Variants in POMP observed in about 807,000 individuals in gnomAD.
The protein encoded by POMP is 2510048O06Rik.
A neutral mutation model predicts 20.6 loss-of-function variants in POMP; 12 were observed. That is an observed-to-expected ratio of 0.58 (90% CI 0.37 to 0.94). POMP has a LOEUF of 0.94. POMP is among the 40% of genes least tolerant of loss of function. The probability of loss-of-function intolerance (pLI) is 0.01; values close to 1 mark genes in which losing one functional copy is unlikely to be tolerated. For synonymous variants in POMP, 53 were observed against 55.0 expected, an observed-to-expected ratio of 0.96 and a Z score of 0.16; for missense variants, 136 against 161.1, an observed-to-expected ratio of 0.84 and a Z score of 0.84.
intron 1 of POMP, among the ~76,000 whole-genome samples, chr13:28,660,904 G>A (rs1884327661): frequency 6.6e-6 from 1 of 152,122 alleles, no homozygotes; most frequent in Non-Finnish European, 1.5e-5. Flanking sequence ...TGAGTCTAAA[G>A]GCAGCAAGAC....
chr13:28,676,853 C>T (rs533219029), intron 5 of POMP, among the ~76,000 whole-genome samples: 75 of 152,304 alleles, frequency 4.9e-4, no homozygotes, highest in South Asian at 1.0e-3. Context: ...CACAGAGGCT[C>T]AGTCCTCACT....
At chr13:28,659,558 G>A (rs1884297503) in intron 1 of POMP, among the ~76,000 whole-genome samples, 1 of 152,086 alleles carries the variant, frequency 6.6e-6, no homozygotes, top group Non-Finnish European at 1.5e-5. Context: ...TTCCTTGACG[G>A]GTAACCTCTG....
At chr13:28,663,980 A>T (rs538641393) in intron 2 of POMP, among the ~76,000 whole-genome samples, 1 of 152,248 alleles carries the variant, frequency 6.6e-6, no homozygotes, top group Admixed American at 6.5e-5. Flanking sequence ...TCATCTTTAT[A>T]TAGCTAGAGT....
At chr13:28,668,361 G>T (rs1884482786) in intron 3 of POMP, 112 bp from the exon 4 acceptor site, 1 of 756,006 alleles carries the variant, frequency 1.3e-6, no homozygotes, top group East Asian at 2.7e-5. Context: ...TTTATTACAG[G>T]TATGGATATT....
intron 2 of POMP, among the ~76,000 whole-genome samples, 180 bp from the exon 3 acceptor site, chr13:28,664,329 G>T (rs965258937): frequency 2.7e-5 from 4 of 150,728 alleles, no homozygotes; most frequent in East Asian, 2.0e-4. Context: ...TGGTGTGTAG[G>T]TCTATGAATT....
chr13:28,664,099 T>C lies in POMP; in HGVS notation c.102-410T>C, dbSNP rs182099288. ...TTGTTCAACATGTTTATTAAAGATA[T>C]ATTAAATATTGAAAGTGTTAGACCT... On this transcript the variant is annotated intron_variant, in intron 2 of 5. Coordinates refer to ENST00000380842, the MANE Select transcript of POMP (RefSeq NM_015932.6). 7.6e-3 allele frequency among the ~76,000 whole-genome samples: 1,154 copies of C among 152,308 alleles called. 13 individuals carry two copies. Among genetic ancestry groups the C allele is most frequent in the South Asian group, 0.029 (139 of 4,826 alleles).
intron 3 of POMP, among the ~76,000 whole-genome samples, chr13:28,665,572 A>G (rs1056599731): frequency 5.3e-5 from 8 of 152,240 alleles, no homozygotes; most frequent in Non-Finnish European, 1.2e-4. Context: ...TTGGTTATAG[A>G]TGGATACATA....
chr13:28,670,686 C>T (rs1028195522), intron 4 of POMP, among the ~76,000 whole-genome samples: 1 of 152,190 alleles, frequency 6.6e-6, no homozygotes, highest in Non-Finnish European at 1.5e-5. Flanking sequence ...CACTGTTAGG[C>T]GTTTGCACAC....
rs980789695 is a variant in POMP at position 28,678,334 on chromosome 13, T to C, written c.*232T>C. 6 of 492,438 alleles carry C rather than the reference T, an allele frequency of 1.2e-5. No individual in the cohort carries two copies. In the Admixed American group the frequency reaches 1.8e-4, roughly 15 times the overall value. The allele number at this position is 492,438 out of a possible 1,614,324, so 30.5% of individuals were successfully genotyped here. A position where few individuals can be genotyped will look rare whatever the true frequency, so the allele number is the denominator to read the frequency against. On this transcript the variant is annotated 3_prime_UTR_variant, in exon 6 of 6. Transcript: ENST00000380842. Reference sequence around the variant, plus strand: ...ATTTATATTAAAACAGTAGCCTTTGTCTTTAAAAAAGTTGTTGCTCATGAA... The same window carrying C: ...ATTTATATTAAAACAGTAGCCTTTGCCTTTAAAAAAGTTGTTGCTCATGAA...
chr13:28,662,305 C>CT, intron 1 of POMP, 105 bp from the exon 2 acceptor site: 2 of 774,804 alleles, frequency 2.6e-6, no homozygotes, highest in Non-Finnish European at 4.3e-6. Flanking sequence ...TTTTGAGGGC[C>CT]TCTTATTTTT....
chr13:28,667,408 G>T (rs1488703005), intron 3 of POMP, among the ~76,000 whole-genome samples: 1 of 152,060 alleles, frequency 6.6e-6, no homozygotes, highest in Non-Finnish European at 1.5e-5. Flanking sequence ...GAATAAAATT[G>T]TATTATCATG....
At chr13:28,666,625 G>A (rs1006451622) in intron 3 of POMP, among the ~76,000 whole-genome samples, 1 of 152,208 alleles carries the variant, frequency 6.6e-6, no homozygotes, top group African/African-American at 2.4e-5. Context: ...GTTGAACTAT[G>A]TGGGCACCCC....
Position 28,659,198 on chromosome 13 carries a change from A to C in POMP, c.3+11A>C. On this transcript the variant is annotated intron_variant, in intron 1 of 5. Transcript: ENST00000380842. Reference sequence around the variant, plus strand: ...GAGCTGCGGAAGATGGTGAGTGGGTACCCGGGCGGCTGGAGTTCCACGCGG... The same window carrying C: ...GAGCTGCGGAAGATGGTGAGTGGGTCCCCGGGCGGCTGGAGTTCCACGCGG... 1.9e-6 allele frequency: 3 copies of C among 1,589,236 alleles called. No homozygotes were observed. The highest frequency in any genetic ancestry group is 2.6e-6 in the Non-Finnish European group (3 of 1,168,998).
intron 4 of POMP, among the ~76,000 whole-genome samples, chr13:28,671,739 G>T (rs2137797584): frequency 6.6e-6 from 1 of 151,532 alleles, no homozygotes; most frequent in Non-Finnish European, 1.5e-5. Flanking sequence ...ATTTAGTCTG[G>T]ATACATTTTG....
At chr13:28,676,148 G>A (rs1884624785) in intron 5 of POMP, among the ~76,000 whole-genome samples, 1 of 152,132 alleles carries the variant, frequency 6.6e-6, no homozygotes, top group Admixed American at 6.5e-5. Context: ...GGGACTACAG[G>A]CGCCCACCAC....
rs1178853584 is a variant in POMP at position 28,668,456 on chromosome 13, T to C, written c.163-17T>C. On this transcript the variant is annotated splice_polypyrimidine_tract_variant and intron_variant, in intron 3 of 5. Coordinates refer to ENST00000380842, the MANE Select transcript of POMP (RefSeq NM_015932.6). ...GAGTATTGAGTGTAATGTTTAAAAT[T>C]ACATTGTCTTTTGTAGTTCCAGCTC... The C allele has an allele frequency of 1.3e-6, 2 of 1,548,918 alleles. No individual in the cohort carries two copies. Among genetic ancestry groups the C allele is most frequent in the Non-Finnish European group, 1.8e-6 (2 of 1,121,292 alleles).
chr13:28,668,428 G>T, intron 3 of POMP, 45 bp from the exon 4 acceptor site: 1 of 1,375,326 alleles, frequency 7.3e-7, no homozygotes. Flanking sequence ...TGTTTTGAAA[G>T]CAGAGTATTG....
intron 1 of POMP, among the ~76,000 whole-genome samples, chr13:28,660,772 A>G (rs542029008): frequency 6.6e-6 from 1 of 152,330 alleles, no homozygotes; most frequent in East Asian, 1.9e-4. Flanking sequence ...CTTTAGGTCC[A>G]GGCTAAGGAG....
chr13:28,659,301 G>A, intron 1 of POMP, 114 bp downstream of exon 1: 1 of 1,489,114 alleles, frequency 6.7e-7, no homozygotes, highest in Non-Finnish European at 9.1e-7. Context: ...GGCAGCGTGG[G>A]GCTGAGGCCG....
Sources: gnomAD v4.1 joint callset for allele counts (sites outside exome capture counted in the v4.1 genomes callset) on GRCh38, gnomAD v4.1.1 for gene constraint, MANE v1.5 for transcripts, NCBI Gene and HGNC (gene_info 2026-07-23, HGNC 2026-07-21) for gene names.